Variants in RCOR3 observed in about 807,000 individuals in gnomAD.
RCOR3 encodes the protein REST corepressor 3.
A neutral mutation model predicts 64.1 loss-of-function variants in RCOR3; 13 were observed. The ratio of observed to expected loss-of-function variants is 0.20; its 90% CI spans 0.13 to 0.32. The LOEUF is 0.32. Among genes scored for constraint, RCOR3 ranks in the 10% least tolerant of loss-of-function variants. RCOR3 has a pLI of 1.00. For missense variants in RCOR3, 489 were observed against 701.2 expected (o/e 0.70, Z 3.42); for synonymous variants, 215 against 239.0 (o/e 0.90, Z 0.93).
Position 211,305,232 on chromosome 1 carries a change from A to G in RCOR3, c.1075+1092A>G, listed in dbSNP as rs373008598. 4.0e-4 allele frequency among the ~76,000 whole-genome samples: 61 copies of G among 152,300 alleles called. No homozygotes were observed. The East Asian group carries it at 0.011, about 28-fold the overall frequency. ...ATGATGTCAGCCCTTGCTTTGGCCT[A>G]TGCAGCATAGCACAGTCATTTCATA... On this transcript the variant is annotated intron_variant, in intron 10 of 11. Coordinates refer to ENST00000419091, the MANE Select transcript of RCOR3 (RefSeq NM_001136223.3).
intron 7 of RCOR3, among the ~76,000 whole-genome samples, chr1:211,283,036 C>T (rs1365191418): frequency 6.6e-6 from 1 of 151,944 alleles, no homozygotes; most frequent in Non-Finnish European, 1.5e-5. Flanking sequence ...TTATAGTGTT[C>T]CATTGTATAC....
Position 211,312,069 on chromosome 1 carries a change from G to A in RCOR3, c.1076-651G>A, listed in dbSNP as rs1231814961. ...CATTCAGTCTTTAAAACTACTAGATGAGTTAAAATCCAACTGACTCTGAAA... is the reference window on the plus strand; with the variant it reads ...CATTCAGTCTTTAAAACTACTAGATAAGTTAAAATCCAACTGACTCTGAAA... On this transcript the variant is annotated intron_variant, in intron 10 of 11. Coordinates refer to ENST00000419091, the MANE Select transcript of RCOR3 (RefSeq NM_001136223.3). This position sits in a 1 kb window ranked among gnomAD's most constrained non-coding sequence, Gnocchi z 5.0. Among the ~76,000 whole-genome samples, 1 of 151,982 alleles carries A rather than the reference G, an allele frequency of 6.6e-6. No homozygotes were observed. Among genetic ancestry groups the A allele is most frequent in the Non-Finnish European group, 1.5e-5 (1 of 67,990 alleles).
At chr1:211,282,443 A>G (rs1697939417) in intron 7 of RCOR3, among the ~76,000 whole-genome samples, 2 of 152,230 alleles carry the variant, frequency 1.3e-5, no homozygotes, top group South Asian at 4.1e-4. Flanking sequence ...ATACCAGTGT[A>G]TCTACCACTG....
intron 2 of RCOR3, among the ~76,000 whole-genome samples, chr1:211,267,483 CTCTA>C (rs1695400402): frequency 1.3e-5 from 2 of 152,206 alleles, no homozygotes; most frequent in South Asian, 4.1e-4. Context: ...TATGCTGCTC[CTCTA>C]TCTACCTGCT....
chr1:211,265,096 C>T (rs4370817), intron 2 of RCOR3, among the ~76,000 whole-genome samples: 144,056 of 152,318 alleles, frequency 0.95, 68,284 homozygotes, highest in East Asian at 1. Context: ...TTTCAAAATA[C>T]TTTACTTACA....
chr1:211,294,779 C>T (rs1282063637), intron 8 of RCOR3, among the ~76,000 whole-genome samples: 1 of 151,856 alleles, frequency 6.6e-6, no homozygotes, highest in African/African-American at 2.4e-5. Context: ...TTAGTAGAGA[C>T]GGGGTTTCAC....
chr1:211,283,083 T>C (rs1270822708), intron 7 of RCOR3, among the ~76,000 whole-genome samples: 2 of 152,258 alleles, frequency 1.3e-5, no homozygotes, highest in African/African-American at 2.4e-5. Flanking sequence ...ATTAATAAAC[T>C]TAATTTCCAG....
intron 4 of RCOR3, among the ~76,000 whole-genome samples, chr1:211,275,650 T>C (rs2102493653): frequency 6.6e-6 from 1 of 152,308 alleles, no homozygotes; most frequent in South Asian, 2.1e-4. Flanking sequence ...GTCTTTGTTA[T>C]GATTTGGTAA....
At chr1:211,266,048 G>A (rs1418336627) in intron 2 of RCOR3, among the ~76,000 whole-genome samples, 1 of 152,162 alleles carries the variant, frequency 6.6e-6, no homozygotes, top group Non-Finnish European at 1.5e-5. Flanking sequence ...CCGCAGGTGA[G>A]TTTTCAGGCA....
At position 211,316,198 on chromosome 1, in the gene RCOR3, C is replaced by T. The variant is rs1440615839; in HGVS notation, c.*2430C>T. ...ACACCAAAGTGGTTTTTTAAAATTA[C>T]ATAACTAAAAATAAACCACACTGTG... On this transcript the variant is annotated 3_prime_UTR_variant, in exon 12 of 12. Coordinates refer to ENST00000419091, the MANE Select transcript of RCOR3 (RefSeq NM_001136223.3). 1 of 152,012 alleles carries T rather than the reference C, an allele frequency of 6.6e-6. No individual in the cohort carries two copies. The highest frequency in any genetic ancestry group is 2.4e-5 in the African/African-American group (1 of 41,410). 9.4% of individuals were successfully genotyped at this position (152,012 alleles called of 1,614,324 possible).
intron 8 of RCOR3, among the ~76,000 whole-genome samples, chr1:211,291,161 C>T (rs1428470313): frequency 1.3e-5 from 2 of 152,064 alleles, no homozygotes; most frequent in African/African-American, 4.8e-5. Context: ...GCTTTTATTA[C>T]AGTATATTGT....
intron 10 of RCOR3, among the ~76,000 whole-genome samples, chr1:211,308,061 T>C (rs1282182874): frequency 6.6e-6 from 1 of 152,148 alleles, no homozygotes; most frequent in Non-Finnish European, 1.5e-5. Flanking sequence ...TGGCAGTTGA[T>C]TAAAAATAAA....
rs1330139967 is a variant in RCOR3, at chr1:211,309,773, G to A, written c.1076-2947G>A. ...TTCCCCCAGGGACAGACTGAAACTCGGGTAGCTCTGATGCCGTAAGTTGTT... is the reference window on the plus strand; with the variant it reads ...TTCCCCCAGGGACAGACTGAAACTCAGGTAGCTCTGATGCCGTAAGTTGTT... On this transcript the variant is annotated intron_variant, in intron 10 of 11. Transcript: ENST00000419091. Among the ~76,000 whole-genome samples, 11 of 152,166 alleles carry A rather than the reference G, an allele frequency of 7.2e-5. No individual in the cohort carries two copies. In the East Asian group the frequency reaches 9.6e-4, roughly 13 times the overall value.
intron 1 of RCOR3, 91 bp downstream of exon 1, chr1:211,259,817 C>G: frequency 1.6e-6 from 2 of 1,222,206 alleles, no homozygotes; most frequent in East Asian, 2.8e-5. Flanking sequence ...CTCCCGCCCT[C>G]CCTCCCCTCA....
intron 4 of RCOR3, among the ~76,000 whole-genome samples, chr1:211,276,050 A>G (rs941156486): frequency 2.0e-5 from 3 of 152,200 alleles, no homozygotes; most frequent in Non-Finnish European, 4.4e-5. Context: ...GTATGTAAGA[A>G]CATTCACTGT....
chr1:211,261,881 G>T (rs1330411081), intron 2 of RCOR3, among the ~76,000 whole-genome samples: 1 of 107,454 alleles, frequency 9.3e-6, no homozygotes, highest in Non-Finnish European at 1.7e-5. Context: ...CCGAGATCAC[G>T]CCATTGCACT....
At position 211,314,926 on chromosome 1, in the gene RCOR3, T is replaced by A. The variant is rs185649719; in HGVS notation, c.*1158T>A. 1 of 152,348 alleles carries A rather than the reference T, an allele frequency of 6.6e-6. No individual in the cohort carries two copies. Among genetic ancestry groups the A allele is most frequent in the African/African-American group, 2.4e-5 (1 of 41,594 alleles). 9.4% of individuals were successfully genotyped at this position (152,348 alleles called of 1,614,324 possible). A position where few individuals can be genotyped will look rare whatever the true frequency, so the allele number is the denominator to read the frequency against. ...TATTTCATAAAATAAGAATTTGTTC[T>A]GTGTTATCTAAAGATGTATCAGTAT... On this transcript the variant is annotated 3_prime_UTR_variant, in exon 12 of 12. Coordinates refer to ENST00000419091, the MANE Select transcript of RCOR3 (RefSeq NM_001136223.3).
At chr1:211,284,502 C>CTTTA (rs71767571) in intron 7 of RCOR3, among the ~76,000 whole-genome samples, 35,496 of 134,856 alleles carry the variant, frequency 0.26, 5,286 homozygotes, top group East Asian at 0.76. Context: ...GGTAGAGATC[C>CTTTA]TTTATTTATT....
chr1:211,303,848 T>C, intron 9 of RCOR3: 1 of 346,434 alleles, frequency 2.9e-6, no homozygotes, highest in South Asian at 5.5e-5. Flanking sequence ...AATTAGAGCA[T>C]AAATGCGAAT....
Sources: gnomAD v4.1 joint callset for allele counts (sites outside exome capture counted in the v4.1 genomes callset) on GRCh38, gnomAD v4.1.1 for gene constraint, Gnocchi (gnomAD v3.1) non-coding constraint, MANE v1.5 for transcripts, NCBI Gene and HGNC (gene_info 2026-07-23, HGNC 2026-07-21) for gene names.